The following ATCAY variants were observed in gnomAD, a reference collection of about 807,000 sequenced individuals.
ATCAY encodes ATCAY kinesin light chain interacting caytaxin.
A neutral mutation model predicts 47.7 loss-of-function variants in ATCAY; 22 were observed. The observed-to-expected ratio is 0.46, with a 90% CI of 0.33 to 0.66. The LOEUF is 0.66. Among genes scored for constraint, ATCAY ranks in the 30% least tolerant of loss-of-function variants. ATCAY has a pLI of 0.02. For missense variants in ATCAY, 452 were observed against 515.0 expected, an observed-to-expected ratio of 0.88 and a Z score of 1.18; for synonymous variants, 216 against 207.6, an observed-to-expected ratio of 1.04 and a Z score of -0.35.
At chr19:3,922,333 C>T in intron 12 of ATCAY, 4 of 634,740 alleles carry the variant, frequency 6.3e-6, no homozygotes, top group Non-Finnish European at 1.1e-5. Flanking sequence ...CTGGGGAGGC[C>T]CCGGGAAATT....
rs548329955 is a variant in ATCAY, at chr19:3,907,046, A to G, written c.359-688A>G. ...CTACTCGGGAGGCTGAGGCAGGAGA[A>G]TCGCTTGAACTCTGGAGGCAGAGGC... On this transcript the variant is annotated intron_variant, in intron 4 of 12. Transcript: ENST00000450849. The surrounding 1 kb of genome is among the most constrained non-coding windows in gnomAD (Gnocchi z 5.1). Among the ~76,000 whole-genome samples, 29 of 151,800 alleles carry G rather than the reference A, an allele frequency of 1.9e-4. No homozygotes were observed. In the East Asian group the frequency reaches 4.9e-3, roughly 25 times the overall value.
chr19:3,893,980 C>T (rs939235229), intron 2 of ATCAY, among the ~76,000 whole-genome samples: 1 of 152,114 alleles, frequency 6.6e-6, no homozygotes, highest in African/African-American at 2.4e-5. Flanking sequence ...GAGCCTGGGC[C>T]TCTGCAGTGC....
intron 2 of ATCAY, among the ~76,000 whole-genome samples, chr19:3,891,347 G>A (rs746342092): frequency 8.6e-5 from 13 of 151,946 alleles, no homozygotes; most frequent in South Asian, 2.1e-4. Context: ...CCACGCGCCC[G>A]GCCTCCTTCT....
At chr19:3,883,234 C>T (rs1458703811) in intron 1 of ATCAY, among the ~76,000 whole-genome samples, 2 of 152,034 alleles carry the variant, frequency 1.3e-5, no homozygotes. Flanking sequence ...ATTAGCTGGA[C>T]GTGGTGGCAC....
chr19:3,912,906 G>A (rs1367271999), intron 8 of ATCAY, among the ~76,000 whole-genome samples: 3 of 145,332 alleles, frequency 2.1e-5, no homozygotes, highest in Non-Finnish European at 1.5e-5. Flanking sequence ...ATACCATGAA[G>A]TGCTGGTGAT....
At chr19:3,908,020 C>G in intron 5 of ATCAY, 101 bp downstream of exon 5, 1 of 1,435,252 alleles carries the variant, frequency 7.0e-7, no homozygotes, top group South Asian at 1.2e-5. Context: ...GATGTTAAGC[C>G]GTCAACTCGC....
rs1303232372 is a variant in ATCAY, at chr19:3,924,680, C to T, written c.*88C>T. ...ACGCCCACTGGCCCCAGATCTCATC[C>T]TGCCTCATCCTGAGTCCCAATCTTC... On this transcript the variant is annotated 3_prime_UTR_variant, in exon 13 of 13. Coordinates refer to ENST00000450849, the MANE Select transcript of ATCAY (RefSeq NM_033064.5). 18 of 1,433,974 alleles carry T rather than the reference C, an allele frequency of 1.3e-5. No homozygotes were observed. The highest frequency in any genetic ancestry group is 1.6e-5 in the Non-Finnish European group (16 of 1,030,990). 88.8% of individuals were successfully genotyped at this position (1,433,974 alleles called of 1,614,324 possible).
intron 2 of ATCAY, among the ~76,000 whole-genome samples, chr19:3,899,019 A>G (rs1003486172): frequency 6.6e-6 from 1 of 151,922 alleles, no homozygotes; most frequent in Admixed American, 6.6e-5. Flanking sequence ...TTTGGTTTTT[A>G]TGAATTATGT....
intron 2 of ATCAY, among the ~76,000 whole-genome samples, chr19:3,886,502 A>C (rs1409779084): frequency 6.7e-6 from 1 of 148,476 alleles, no homozygotes; most frequent in Non-Finnish European, 1.5e-5. Context: ...AGGCAGGAGA[A>C]TGGCGTGAAC....
At chr19:3,917,867 G>A (rs2038979928) in intron 10 of ATCAY, 90 bp downstream of exon 10, 13 of 1,450,132 alleles carry the variant, frequency 9.0e-6, no homozygotes, top group Non-Finnish European at 1.2e-5. Flanking sequence ...TGACTTCTGG[G>A]CAGCAGGGAC....
intron 6 of ATCAY, 69 bp from the exon 7 acceptor site, chr19:3,909,417 C>T (rs2038903122): frequency 1.3e-6 from 2 of 1,519,604 alleles, no homozygotes; most frequent in Admixed American, 1.9e-5. Context: ...CAGGCAGGGT[C>T]GGCACCGCAG....
Position 3,926,424 on chromosome 19 carries a change from A to G in ATCAY, c.*1832A>G, listed in dbSNP as rs968701092. The G allele has an allele frequency of 2.6e-5, 4 of 152,256 alleles. No individual in the cohort carries two copies. Among genetic ancestry groups the G allele is most frequent in the African/African-American group, 7.2e-5 (3 of 41,460 alleles). The allele number at this position is 152,256 out of a possible 1,614,324, so 9.4% of individuals were successfully genotyped here. ...TGAGCAGACGGTGAGTAGGGCGGGCACATTCTCCAGGCCCTTCTTCCTAGC... is the reference window on the plus strand; with the variant it reads ...TGAGCAGACGGTGAGTAGGGCGGGCGCATTCTCCAGGCCCTTCTTCCTAGC... On this transcript the variant is annotated 3_prime_UTR_variant, in exon 13 of 13. Transcript: ENST00000450849.
chr19:3,886,221 G>A (rs2038652855), intron 2 of ATCAY, among the ~76,000 whole-genome samples: 1 of 152,190 alleles, frequency 6.6e-6, no homozygotes, highest in Non-Finnish European at 1.5e-5. Flanking sequence ...GGCCGAGGTG[G>A]GCGGATCACT....
chr19:3,909,722 G>A (rs1310983431), intron 7 of ATCAY, 105 bp downstream of exon 7: 21 of 1,470,530 alleles, frequency 1.4e-5, no homozygotes, highest in African/African-American at 4.2e-5. Context: ...GGAGGCTGAG[G>A]TGGGAAGGTC....
Position 3,922,077 on chromosome 19 carries a change from C to A in ATCAY, c.1106+1279C>A, listed in dbSNP as rs1284586635. ...CACAAAGTGCTGCCAACTAGAGAAG[C>A]TGACCCAAGCCTTTCTAGCCAGGGT... On this transcript the variant is annotated intron_variant, in intron 12 of 12. Transcript: ENST00000450849. 3 of 687,000 alleles carry A rather than the reference C, an allele frequency of 4.4e-6. No individual in the cohort carries two copies. In the East Asian group the frequency reaches 8.1e-5, roughly 18 times the overall value. The allele number at this position is 687,000 out of a possible 1,614,324, so 42.6% of individuals were successfully genotyped here.
At chr19:3,901,932 G>A (rs2038819180) in intron 2 of ATCAY, among the ~76,000 whole-genome samples, 1 of 152,066 alleles carries the variant, frequency 6.6e-6, no homozygotes, top group Non-Finnish European at 1.5e-5. Flanking sequence ...GGAGGCGGAG[G>A]TTGCCGTGAG....
chr19:3,885,843 A>G lies in ATCAY; in HGVS notation c.76A>G (p.Arg26Gly). The change falls in exon 2 of 13, where the codon AGG becomes GGG. Residue 26 changes from arginine to glycine, a missense_variant and splice_region_variant. Coordinates refer to ENST00000450849, the MANE Select transcript of ATCAY (RefSeq NM_033064.5). ...GGAATGGCAGGACGAAGATCTTCCCAGGTAGGACTTCCACATCCCTGAGTC... is the reference window on the plus strand; with the variant it reads ...GGAATGGCAGGACGAAGATCTTCCCGGGTAGGACTTCCACATCCCTGAGTC... ...KEEWQDEDLP[R>G]PLPEETGVEL... 6.4e-7 allele frequency: 1 copy of G among 1,551,942 alleles called. No homozygotes were observed. Among genetic ancestry groups the G allele is most frequent in the Non-Finnish European group, 8.7e-7 (1 of 1,147,626 alleles).
intron 2 of ATCAY, among the ~76,000 whole-genome samples, chr19:3,887,523 G>T (rs2038669293): frequency 1.3e-5 from 2 of 150,478 alleles, no homozygotes; most frequent in South Asian, 4.2e-4. Context: ...GTGTCGCTTT[G>T]TCGCCCAGGC....
chr19:3,921,628 TG>T (rs568654251), intron 12 of ATCAY, among the ~76,000 whole-genome samples: 30 of 148,568 alleles, frequency 2.0e-4, no homozygotes, highest in African/African-American at 7.2e-4. Context: ...TTGGGTGTGG[TG>T]GCTCATGCCT....
Sources: gnomAD v4.1 joint callset for allele counts (sites outside exome capture counted in the v4.1 genomes callset) on GRCh38, gnomAD v4.1.1 for gene constraint, Gnocchi (gnomAD v3.1) non-coding constraint, MANE v1.5 for transcripts, NCBI Gene and HGNC (gene_info 2026-07-23, HGNC 2026-07-21) for gene names.